The following ESPNL variants were observed in gnomAD, a reference collection of about 807,000 sequenced individuals.
ESPNL encodes the protein espin-like protein.
Under a neutral mutation model 46.8 loss-of-function variants are expected in ESPNL, and 49 were observed. The ratio of observed to expected loss-of-function variants is 1.05; its 90% CI spans 0.83 to 1.33. The LOEUF (loss-of-function observed/expected upper bound fraction) is 1.33, where lower values mean the gene tolerates loss of function less well. Among genes scored for constraint, ESPNL ranks in the 40% most tolerant of loss-of-function variants. The pLI is 0.00. For missense variants in ESPNL, 1,540 were observed against 1,436.6 expected (o/e 1.07, Z -1.16); for synonymous variants, 664 against 662.1 (o/e 1.00, Z -0.04).
chr2:238,119,089 GA>G (rs1466732974), intron 5 of ESPNL, among the ~76,000 whole-genome samples: 3 of 100,608 alleles, frequency 3.0e-5, no homozygotes, highest in African/African-American at 8.9e-5. Context: ...GAATGGAGGA[GA>G]GTGGATGGAA....
intron 5 of ESPNL, among the ~76,000 whole-genome samples, chr2:238,117,764 T>G (rs1195814906): frequency 6.6e-6 from 1 of 152,056 alleles, no homozygotes; most frequent in Non-Finnish European, 1.5e-5. Context: ...AGCAGGTGGA[T>G]GCATGAGGGT....
intron 3 of ESPNL, among the ~76,000 whole-genome samples, chr2:238,107,580 C>T (rs1691623376): frequency 6.6e-6 from 1 of 152,224 alleles, no homozygotes; most frequent in South Asian, 2.1e-4. Context: ...ACTGCGCTCA[C>T]TTCACCCCCA....
intron 5 of ESPNL, among the ~76,000 whole-genome samples, 179 bp from the exon 6 acceptor site, chr2:238,125,091 C>T (rs556275420): frequency 1.3e-5 from 2 of 152,260 alleles, no homozygotes; most frequent in Admixed American, 1.3e-4. Context: ...CAGGAGATGA[C>T]CCTGGGACAG....
In ESPNL at chr2:238,131,505, C is replaced by T. The variant is rs1415344512; in HGVS notation, c.2791C>T (p.Gln931Ter). 1 of 1,611,720 alleles carries T rather than the reference C, an allele frequency of 6.2e-7. No homozygotes were observed. Among genetic ancestry groups the T allele is most frequent in the Non-Finnish European group, 8.5e-7 (1 of 1,179,462 alleles). ...CAAAGCCCGCTTCTTTGGCTCCAGC[C>T]AGCGTCCCGCCTGGGATACGGAGCC... ...DIKARFFGSS[Q>*]RPAWDTEPGR... Residue 931 changes from glutamine (Q) to a stop codon, truncating the protein, a stop_gained, in exon 9 of 9, where the codon CAG becomes TAG. Coordinates refer to ENST00000343063, the MANE Select transcript of ESPNL (RefSeq NM_194312.4). LOFTEE classifies it low-confidence loss of function (END_TRUNC).
Position 238,100,397 on chromosome 2 carries a change from C to T in ESPNL, c.-23C>T. 6.3e-7 allele frequency: 1 copy of T among 1,578,776 alleles called. No homozygotes were observed. ...GAAGCCCCAGCCTGTGCATGAGTCG[C>T]CACTGAGAGCCCGGGCCAGAGGATG... On this transcript the variant is annotated 5_prime_UTR_variant, in exon 1 of 9. Transcript: ENST00000343063.
intron 6 of ESPNL, 166 bp from the exon 7 acceptor site, chr2:238,127,456 C>A: frequency 2.2e-6 from 3 of 1,381,620 alleles, no homozygotes; most frequent in Non-Finnish European, 2.8e-6. Flanking sequence ...CAGAGAAGGT[C>A]CAGTGGGGCC....
At chr2:238,116,036 G>T (rs942121946) in intron 4 of ESPNL, among the ~76,000 whole-genome samples, 1 of 152,230 alleles carries the variant, frequency 6.6e-6, no homozygotes, top group Admixed American at 6.5e-5. Context: ...GGCCCAGCTG[G>T]TCTATCTCAG....
chr2:238,131,696 G>A lies in ESPNL; in HGVS notation c.2982G>A (p.Lys994=). The A allele has an allele frequency of 1.3e-6, 2 of 1,594,190 alleles. No individual in the cohort carries two copies. The highest frequency in any genetic ancestry group is 1.7e-6 in the Non-Finnish European group (2 of 1,164,820). Reference sequence around the variant, plus strand: ...TCAACCGCAGCTTTGCCTTCTGGAAGGAGAAGGAAGCTGAGATGTTCAACT... The same window carrying A: ...TCAACCGCAGCTTTGCCTTCTGGAAAGAGAAGGAAGCTGAGATGTTCAACT... ...GYINRSFAFW[K]EKEAEMFNFG... Residue 994 remains lysine, a synonymous_variant, in exon 9 of 9, where the codon AAG becomes AAA. Transcript: ENST00000343063.
In ESPNL at chr2:238,131,375, G is replaced by T; in HGVS notation, c.2661G>T (p.Glu887Asp). The T allele has an allele frequency of 6.2e-7, 1 of 1,603,690 alleles. No homozygotes were observed. Reference protein sequence around the residue: ...LRHLLCFEVFEHLGTHGWEAV... With the variant: ...LRHLLCFEVFDHLGTHGWEAV... ...ACCTGCTGTGCTTCGAGGTCTTCGA[G>T]CACCTGGGCACCCACGGCTGGGAGG... is the stretch of plus-strand genomic sequence containing the variant. Residue 887 changes from glutamate (E) to aspartate (D), a missense_variant, in exon 9 of 9, where the codon GAG (glutamate) becomes GAT (aspartate). By Grantham distance (45) the Glu-to-Asp change is conservative. Transcript: ENST00000343063.
intron 1 of ESPNL, among the ~76,000 whole-genome samples, chr2:238,101,141 G>A (rs1430690986): frequency 1.3e-5 from 2 of 152,152 alleles, no homozygotes; most frequent in Non-Finnish European, 2.9e-5. Flanking sequence ...CGTCTTGTCC[G>A]GATCGTTTCT....
chr2:238,106,140 G>A (rs1691593844), intron 3 of ESPNL, among the ~76,000 whole-genome samples: 1 of 152,218 alleles, frequency 6.6e-6, no homozygotes, highest in Non-Finnish European at 1.5e-5. Context: ...CAGCCGGCGT[G>A]TAGGCGCCAG....
At chr2:238,109,729 T>C (rs182767862) in intron 4 of ESPNL, among the ~76,000 whole-genome samples, 1 of 152,380 alleles carries the variant, frequency 6.6e-6, no homozygotes, top group East Asian at 1.9e-4. Flanking sequence ...ACTAGCACAG[T>C]GTTACTAACT....
chr2:238,119,421 G>A (rs1459683890), intron 5 of ESPNL, among the ~76,000 whole-genome samples: 4 of 144,662 alleles, frequency 2.8e-5, no homozygotes, highest in Non-Finnish European at 6.1e-5. Flanking sequence ...GATGGAGGAG[G>A]GTAGATGGAG....
Position 238,125,383 on chromosome 2 carries a change from C to T in ESPNL, c.1101C>T (p.Ser367=), listed in dbSNP as rs1336677995. 2.6e-6 allele frequency: 4 copies of T among 1,538,300 alleles called. No homozygotes were observed. In the East Asian group the frequency reaches 7.4e-5, roughly 28 times the overall value. ...GAGGCCCAGGGCCAGGGAACCCCAG[C>T]CGTGAGTGCACAGCCCCAAGTGGGC... The part of the protein sequence containing the change: ...RRGGPGPGNP[S]PMSLSPAWPG... The change falls in exon 6 of 9, where the codon AGC becomes AGT. Residue 367 remains serine, a splice_region_variant and synonymous_variant. Coordinates refer to ENST00000343063, the MANE Select transcript of ESPNL (RefSeq NM_194312.4).
intron 6 of ESPNL, among the ~76,000 whole-genome samples, chr2:238,125,846 G>T (rs1192874156): frequency 2.0e-5 from 3 of 151,974 alleles, no homozygotes; most frequent in Non-Finnish European, 4.4e-5. Flanking sequence ...GGTAGTGAGG[G>T]CGAGCTTCCT....
chr2:238,123,664 G>A (rs11678355), intron 5 of ESPNL, among the ~76,000 whole-genome samples: 42,524 of 152,136 alleles, frequency 0.28, 7,542 homozygotes, highest in Non-Finnish European at 0.38. Context: ...TCCTGGGGGC[G>A]GCAGCCTCAG....
intron 3 of ESPNL, among the ~76,000 whole-genome samples, chr2:238,105,269 C>A (rs938116165): frequency 1.3e-5 from 2 of 152,118 alleles, no homozygotes; most frequent in African/African-American, 4.8e-5. Flanking sequence ...CTTCTGGCCT[C>A]TTTGGGGAAG....
At chr2:238,105,435 C>T (rs997563297) in intron 3 of ESPNL, among the ~76,000 whole-genome samples, 2 of 150,838 alleles carry the variant, frequency 1.3e-5, no homozygotes, top group African/African-American at 4.9e-5. Flanking sequence ...AGTGCTTGAA[C>T]CTGGGAGGCG....
intron 5 of ESPNL, among the ~76,000 whole-genome samples, chr2:238,124,113 C>T (rs988174105): frequency 6.6e-6 from 1 of 152,224 alleles, no homozygotes; most frequent in Non-Finnish European, 1.5e-5. Context: ...GAGCAAGCTG[C>T]AGCATGGGTC....
Sources: allele counts gnomAD v4.1 joint callset (sites outside exome capture counted in the v4.1 genomes callset), GRCh38; gene constraint gnomAD v4.1.1; transcripts MANE v1.5; gene names NCBI Gene and HGNC (gene_info 2026-07-23, HGNC 2026-07-21).